OXR1: variants seen among roughly 807,000 people sequenced by gnomAD.
OXR1 encodes oxidation resistance protein 1.
A neutral mutation model predicts 104.6 loss-of-function variants in OXR1; 41 were observed. The ratio of observed to expected loss-of-function variants is 0.39; its 90% confidence interval spans 0.31 to 0.51. The LOEUF is 0.51. Ranked by LOEUF, OXR1 falls within the 20% of genes least tolerant of loss-of-function variation. The pLI is 0.77. For synonymous variants in OXR1, 348 were observed against 348.4 expected (o/e 1.00, Z 0.01); for missense variants, 955 against 1,031.9 (o/e 0.93, Z 1.02).
intron 1 of OXR1, among the ~76,000 whole-genome samples, chr8:106,313,999 A>G (rs1420319303): frequency 6.6e-6 from 1 of 152,178 alleles, no homozygotes; most frequent in East Asian, 1.9e-4. Flanking sequence ...GTTTCCACGG[A>G]ACTAGTTTTA....
At chr8:106,558,262 G>A (rs1816431195) in intron 3 of OXR1, among the ~76,000 whole-genome samples, 1 of 152,160 alleles carries the variant, frequency 6.6e-6, no homozygotes. Flanking sequence ...GTATTGCTAT[G>A]TACCAAAGCA....
chr8:106,605,632 T>TAAAAA (rs11347410), intron 3 of OXR1, among the ~76,000 whole-genome samples: 2 of 123,500 alleles, frequency 1.6e-5, no homozygotes, highest in East Asian at 2.3e-4. Context: ...CCGTCTCTAC[T>TAAAAA]AAAAAAAAAA....
intron 2 of OXR1, among the ~76,000 whole-genome samples, chr8:106,386,152 G>A (rs920883516): frequency 6.6e-6 from 1 of 152,098 alleles, no homozygotes; most frequent in Non-Finnish European, 1.5e-5. Context: ...CTACTATCCC[G>A]TAATAAAATT....
intron 3 of OXR1, among the ~76,000 whole-genome samples, chr8:106,624,848 T>A (rs1308265344): frequency 6.6e-6 from 1 of 152,136 alleles, no homozygotes; most frequent in Non-Finnish European, 1.5e-5. Flanking sequence ...TGGAGTACAG[T>A]GATGCAATCA....
chr8:106,381,469 G>T lies in OXR1; in HGVS notation c.23+21833G>T, dbSNP rs547534156. ...AGGGACCAATCAATTGAACATAAAA[G>T]AGAAGGGTAGGGCAGAATCTCAGTG... On this transcript the variant is annotated intron_variant, in intron 2 of 16. Coordinates refer to ENST00000517566, the MANE Select transcript of OXR1 (RefSeq NM_001198533.2). Among the ~76,000 whole-genome samples, 157 of 152,222 alleles carry T rather than the reference G, an allele frequency of 1.0e-3. 3 individuals are homozygous for T. The highest frequency in any genetic ancestry group is 4.0e-4 in the Non-Finnish European group (27 of 68,016).
intron 11 of OXR1, chr8:106,720,782 T>C (rs988279378): frequency 1.1e-5 from 8 of 729,600 alleles, no homozygotes; most frequent in African/African-American, 9.5e-5. Flanking sequence ...TCTTCAACTT[T>C]GTCCATCAAA....
chr8:106,413,592 C>T (rs1316578768), intron 2 of OXR1, among the ~76,000 whole-genome samples: 1 of 151,998 alleles, frequency 6.6e-6, no homozygotes, highest in African/African-American at 2.4e-5. Context: ...ATTTTAGCCC[C>T]CATACTATCT....
At chr8:106,489,384 C>T (rs1422989083) in intron 2 of OXR1, among the ~76,000 whole-genome samples, 1 of 152,158 alleles carries the variant, frequency 6.6e-6, no homozygotes, top group Non-Finnish European at 1.5e-5. Flanking sequence ...AGTACCCTCA[C>T]TTGGGTGAGT....
chr8:106,452,834 A>G (rs746869442), intron 2 of OXR1, among the ~76,000 whole-genome samples: 2 of 146,876 alleles, frequency 1.4e-5, no homozygotes, highest in Admixed American at 6.8e-5. Context: ...TTTAAAAAAC[A>G]TAAAATGAAA....
intron 2 of OXR1, among the ~76,000 whole-genome samples, chr8:106,468,146 AG>A (rs1380637845): frequency 6.6e-6 from 1 of 151,818 alleles, no homozygotes; most frequent in Non-Finnish European, 1.5e-5. Context: ...GTCCAACACC[AG>A]CCCCCATTCT....
At chr8:106,330,926 A>G (rs1433788804) in intron 1 of OXR1, among the ~76,000 whole-genome samples, 3 of 152,244 alleles carry the variant, frequency 2.0e-5, no homozygotes, top group Non-Finnish European at 2.9e-5. Context: ...CCTGATTTCC[A>G]TAGCCAGTCT....
At chr8:106,414,189 A>G (rs1313636357) in intron 2 of OXR1, among the ~76,000 whole-genome samples, 1 of 152,040 alleles carries the variant, frequency 6.6e-6, no homozygotes. Flanking sequence ...ACTTTATTTC[A>G]TGGTATTAAT....
chr8:106,718,853 G>GGA (rs1832558977), intron 11 of OXR1, among the ~76,000 whole-genome samples: 2 of 138,056 alleles, frequency 1.4e-5, no homozygotes, highest in African/African-American at 5.5e-5. Context: ...AAAAAAAAAA[G>GGA]GAGCTATGCC....
intron 3 of OXR1, among the ~76,000 whole-genome samples, chr8:106,552,379 C>T (rs1277147623): frequency 6.6e-6 from 1 of 152,122 alleles, no homozygotes; most frequent in Non-Finnish European, 1.5e-5. Context: ...AAATTTTGTT[C>T]TTGCCCCCCA....
intron 2 of OXR1, among the ~76,000 whole-genome samples, chr8:106,454,515 T>G (rs779258517): frequency 1.3e-5 from 2 of 151,370 alleles, no homozygotes; most frequent in Non-Finnish European, 2.9e-5. Flanking sequence ...TAAAAAGTAA[T>G]TTTATTTCAA....
chr8:106,391,512 A>G (rs1386089705), intron 2 of OXR1, among the ~76,000 whole-genome samples: 4 of 152,176 alleles, frequency 2.6e-5, no homozygotes, highest in South Asian at 4.1e-4. Context: ...TTTTTGAGTA[A>G]TGAATGCTGA....
At chr8:106,654,430 G>T (rs1824881949) in intron 3 of OXR1, among the ~76,000 whole-genome samples, 2 of 152,098 alleles carry the variant, frequency 1.3e-5, no homozygotes, top group Admixed American at 6.5e-5. Flanking sequence ...GACAATGGGG[G>T]AAAAATCATC....
chr8:106,497,063 TCA>T (rs1278702517), intron 2 of OXR1, among the ~76,000 whole-genome samples: 1 of 152,174 alleles, frequency 6.6e-6, no homozygotes, highest in Non-Finnish European at 1.5e-5. Context: ...CACAGGACGC[TCA>T]GTGTTAGATT....
At chr8:106,741,083 C>A (rs1261112843) in intron 14 of OXR1, among the ~76,000 whole-genome samples, 1 of 152,022 alleles carries the variant, frequency 6.6e-6, no homozygotes, top group African/African-American at 2.4e-5. Flanking sequence ...ATCATGAAAG[C>A]CCTATGAGAT....
Sources: allele counts gnomAD v4.1 joint callset (sites outside exome capture counted in the v4.1 genomes callset), GRCh38; gene constraint gnomAD v4.1.1; transcripts MANE v1.5; gene names NCBI Gene and HGNC (gene_info 2026-07-23, HGNC 2026-07-21).